The following SKAP2 variants were observed in gnomAD, a reference collection of about 807,000 sequenced individuals.
The protein encoded by SKAP2 is src kinase associated phosphoprotein 2.
A neutral mutation model predicts 54.9 loss-of-function variants in SKAP2; 28 were observed. The observed-to-expected ratio is 0.51, with a 90% CI of 0.38 to 0.70. The LOEUF (loss-of-function observed/expected upper bound fraction) is 0.70. Ranked by LOEUF, SKAP2 falls within the 30% of genes least tolerant of loss-of-function variation. The probability of loss-of-function intolerance (pLI) is 0.00; values close to 1 mark genes in which losing one functional copy is unlikely to be tolerated. For missense variants in SKAP2, 356 were observed against 424.1 expected, an observed-to-expected ratio of 0.84 and a Z score of 1.41; for synonymous variants, 137 against 134.3, an observed-to-expected ratio of 1.02 and a Z score of -0.14.
At chr7:26,807,711 C>T (rs1784058747) in intron 4 of SKAP2, among the ~76,000 whole-genome samples, 1 of 152,148 alleles carries the variant, frequency 6.6e-6, no homozygotes, top group Non-Finnish European at 1.5e-5. Context: ...AAGAGTCAAT[C>T]AATGTGGCAA....
At chr7:26,678,242 C>T (rs1489063309) in intron 11 of SKAP2, among the ~76,000 whole-genome samples, 2 of 152,036 alleles carry the variant, frequency 1.3e-5, no homozygotes, top group African/African-American at 4.8e-5. Flanking sequence ...CATTCCCTCC[C>T]CCACTCCCTG....
chr7:26,863,095 G>A (rs1785301875), intron 1 of SKAP2, among the ~76,000 whole-genome samples: 1 of 152,084 alleles, frequency 6.6e-6, no homozygotes, highest in African/African-American at 2.4e-5. Flanking sequence ...TTCTTAGAGT[G>A]AAAGACTATC....
rs986976420 is a variant in SKAP2, at chr7:26,725,298, C to T, written c.796+130G>A. 1.1e-5 allele frequency: 6 copies of T among 566,116 alleles called. No homozygotes were observed. In the South Asian group the frequency reaches 1.2e-4, roughly 12 times the overall value. 35.1% of individuals were successfully genotyped at this position (566,116 alleles called of 1,614,324 possible). A position where few individuals can be genotyped will look rare whatever the true frequency, so the allele number is the denominator to read the frequency against. On this transcript the variant is annotated intron_variant, in intron 9 of 12. Transcript: ENST00000345317. ...TAGAGTTTTGAAGATATTCTTTGTCCTTGTTCTCAATAGGTCACCATTTTC... is the reference window on the plus strand; with the variant it reads ...TAGAGTTTTGAAGATATTCTTTGTCTTTGTTCTCAATAGGTCACCATTTTC...
Position 26,806,788 on chromosome 7 carries a change from G to A in SKAP2, c.307+37242C>T, listed in dbSNP as rs954806562. 1.1e-4 allele frequency among the ~76,000 whole-genome samples: 17 copies of A among 152,280 alleles called. 1 individual carries two copies. The highest frequency in any genetic ancestry group is 3.4e-3 in the Middle Eastern group (1 of 292). ...AAGGTGAAATCTAATGCAGCTCAAG[G>A]CCCTAACTCTGCTCAATTCTATGAA... On this transcript the variant is annotated intron_variant, in intron 4 of 12. Transcript: ENST00000345317.
At chr7:26,670,245 T>C (rs554647519) in intron 11 of SKAP2, 53 bp from the exon 12 acceptor site, 5 of 811,734 alleles carry the variant, frequency 6.2e-6, no homozygotes, top group South Asian at 5.6e-5. Context: ...AAGTACAATG[T>C]CGTTTGTATG....
chr7:26,810,807 G>A lies in SKAP2; in HGVS notation c.307+33223C>T, dbSNP rs547447914. 1.1e-4 allele frequency among the ~76,000 whole-genome samples: 17 copies of A among 151,948 alleles called. No homozygotes were observed. In the East Asian group the frequency reaches 2.1e-3, roughly 19 times the overall value. ...AGCGATTCTCCTGCCTCAGCCTCCCGCGTAGCTGGGACTACAGGCACACGC... is the reference window on the plus strand; with the variant it reads ...AGCGATTCTCCTGCCTCAGCCTCCCACGTAGCTGGGACTACAGGCACACGC... On this transcript the variant is annotated intron_variant, in intron 4 of 12. Coordinates refer to ENST00000345317, the MANE Select transcript of SKAP2 (RefSeq NM_003930.5).
chr7:26,717,628 C>G (rs1303145283), intron 9 of SKAP2, among the ~76,000 whole-genome samples: 1 of 145,262 alleles, frequency 6.9e-6, no homozygotes, highest in Non-Finnish European at 1.5e-5. Flanking sequence ...AAGTTCAAGA[C>G]CAGCCTGGCC....
intron 4 of SKAP2, among the ~76,000 whole-genome samples, chr7:26,806,066 C>T (rs1400044063): frequency 6.6e-6 from 1 of 152,158 alleles, no homozygotes; most frequent in African/African-American, 2.4e-5. Flanking sequence ...CCATGAGCCA[C>T]ACCCATATAG....
At chr7:26,713,385 A>G (rs1787351839) in intron 9 of SKAP2, among the ~76,000 whole-genome samples, 1 of 152,096 alleles carries the variant, frequency 6.6e-6, no homozygotes, top group Non-Finnish European at 1.5e-5. Flanking sequence ...CTAGAACAGA[A>G]TCTGACATGC....
At chr7:26,761,897 C>T (rs1200129023) in intron 4 of SKAP2, among the ~76,000 whole-genome samples, 1 of 152,180 alleles carries the variant, frequency 6.6e-6, no homozygotes, top group Non-Finnish European at 1.5e-5. Context: ...GAGACTTTGT[C>T]TCCAAAATAT....
chr7:26,778,980 C>T (rs1329977102), intron 4 of SKAP2, among the ~76,000 whole-genome samples: 1 of 151,788 alleles, frequency 6.6e-6, no homozygotes, highest in Non-Finnish European at 1.5e-5. Flanking sequence ...AAACTTAAGT[C>T]TAGAATTTCA....
intron 4 of SKAP2, among the ~76,000 whole-genome samples, chr7:26,835,897 A>C (rs1433806699): frequency 1.3e-5 from 2 of 152,116 alleles, no homozygotes; most frequent in African/African-American, 4.8e-5. Flanking sequence ...AATCCTAAAC[A>C]AAAAAGAACA....
chr7:26,824,512 C>A (rs1784448249), intron 4 of SKAP2, among the ~76,000 whole-genome samples: 4 of 152,182 alleles, frequency 2.6e-5, no homozygotes, highest in African/African-American at 4.8e-5. Context: ...ACAAAATATA[C>A]CTATAGGCCA....
chr7:26,683,435 T>C (rs904598595), intron 11 of SKAP2, among the ~76,000 whole-genome samples: 2 of 152,146 alleles, frequency 1.3e-5, no homozygotes, highest in Non-Finnish European at 2.9e-5. Flanking sequence ...GCCTTAGCTT[T>C]GGGCACCCTA....
At chr7:26,816,193 C>T (rs142215868) in intron 4 of SKAP2, among the ~76,000 whole-genome samples, 9 of 152,016 alleles carry the variant, frequency 5.9e-5, no homozygotes, top group Non-Finnish European at 1.3e-4. Context: ...GTAGCAACAT[C>T]GCAAGACACG....
At chr7:26,790,915 T>A (rs891082315) in intron 4 of SKAP2, among the ~76,000 whole-genome samples, 4 of 152,160 alleles carry the variant, frequency 2.6e-5, no homozygotes, top group African/African-American at 7.2e-5. Context: ...ACCAGAGGAC[T>A]TCATAGCAAA....
chr7:26,837,775 A>G (rs1188104253), intron 4 of SKAP2, among the ~76,000 whole-genome samples: 1 of 146,354 alleles, frequency 6.8e-6, no homozygotes, highest in African/African-American at 2.4e-5. Context: ...TGAGTAGGAA[A>G]GGGCTAGAAA....
chr7:26,655,510 A>G, the SKAP2 span, among the ~76,000 whole-genome samples: 11 of 152,226 alleles, frequency 7.2e-5, no homozygotes, highest in Non-Finnish European at 1.6e-4. Context: ...ATTTGTAGAT[A>G]ACTGAGGTTG....
chr7:26,685,109 G>A (rs558523947), intron 10 of SKAP2, among the ~76,000 whole-genome samples: 2 of 152,080 alleles, frequency 1.3e-5, no homozygotes, highest in South Asian at 4.2e-4. Context: ...ATTGCTATAT[G>A]CTGTCATCAA....
Sources: gnomAD v4.1 joint callset for allele counts (sites outside exome capture counted in the v4.1 genomes callset) on GRCh38, gnomAD v4.1.1 for gene constraint, MANE v1.5 for transcripts, NCBI Gene and HGNC (gene_info 2026-07-23, HGNC 2026-07-21) for gene names.